Variants in RTN4IP1 observed in about 807,000 individuals in gnomAD.
RTN4IP1 encodes NAD(P)H oxidoreductase RTN4IP1, mitochondrial.
In RTN4IP1, 32 loss-of-function variants were observed where a neutral mutation model predicts 46.6. The ratio of observed to expected loss-of-function variants is 0.69; its 90% CI spans 0.52 to 0.92. The LOEUF (loss-of-function observed/expected upper bound fraction) is 0.92. RTN4IP1 is among the 40% of genes least tolerant of loss of function. RTN4IP1 has a pLI of 0.00. For synonymous variants in RTN4IP1, 167 were observed against 161.8 expected (o/e 1.03, Z -0.24); for missense variants, 424 against 485.8 (o/e 0.87, Z 1.20).
intron 4 of RTN4IP1, among the ~76,000 whole-genome samples, chr6:106,606,095 A>C (rs1277645694): frequency 6.6e-6 from 1 of 152,192 alleles, no homozygotes; most frequent in Admixed American, 6.5e-5. Flanking sequence ...ATTGATAAAC[A>C]AACTCATTAA....
chr6:106,604,316 C>A (rs1776009493), intron 4 of RTN4IP1, among the ~76,000 whole-genome samples: 1 of 152,114 alleles, frequency 6.6e-6, no homozygotes, highest in Non-Finnish European at 1.5e-5. Context: ...AGTCTCCTTC[C>A]AAATTGTGTT....
chr6:106,580,329 G>T (rs959859221), intron 8 of RTN4IP1, among the ~76,000 whole-genome samples: 1 of 151,914 alleles, frequency 6.6e-6, no homozygotes, highest in African/African-American at 2.4e-5. Context: ...GTAAGATAAT[G>T]GGTAAGTAAA....
intron 4 of RTN4IP1, among the ~76,000 whole-genome samples, chr6:106,617,101 C>T (rs748359123): frequency 8.5e-5 from 13 of 152,192 alleles, no homozygotes; most frequent in Non-Finnish European, 1.8e-4. Context: ...AAAGTTGGTC[C>T]TCACCAGACA....
At chr6:106,593,865 C>A (rs895127716) in intron 5 of RTN4IP1, among the ~76,000 whole-genome samples, 1 of 152,042 alleles carries the variant, frequency 6.6e-6, no homozygotes. Context: ...CACAGCAAGT[C>A]CCAAATCAAA....
rs372148366 is a variant in RTN4IP1 at position 106,609,680 on chromosome 6, T to C, written c.621-6758A>G. 2.9e-4 allele frequency among the ~76,000 whole-genome samples: 44 copies of C among 152,354 alleles called. 1 individual carries two copies. In the South Asian group the frequency reaches 8.9e-3, roughly 31 times the overall value. On this transcript the variant is annotated intron_variant, in intron 4 of 8. Coordinates refer to ENST00000369063, the MANE Select transcript of RTN4IP1 (RefSeq NM_032730.5). ...CTTGAAAATAATTTCTAATTCTCTCTCTGTGAATGCTGGATACTAAATATA... is the reference window on the plus strand; with the variant it reads ...CTTGAAAATAATTTCTAATTCTCTCCCTGTGAATGCTGGATACTAAATATA...
At chr6:106,580,750 T>A (rs7776287) in intron 8 of RTN4IP1, among the ~76,000 whole-genome samples, 20,967 of 149,920 alleles carry the variant, frequency 0.14, 1,709 homozygotes, top group African/African-American at 0.2. Flanking sequence ...ATCAAAATTA[T>A]AAATGCATAT....
intron 8 of RTN4IP1, among the ~76,000 whole-genome samples, chr6:106,574,444 A>C (rs76573253): frequency 1.1e-5 from 1 of 90,940 alleles, no homozygotes; most frequent in African/African-American, 5.3e-5. Context: ...CTCTGTCTCC[A>C]AAAAAAAAAA....
intron 5 of RTN4IP1, among the ~76,000 whole-genome samples, chr6:106,600,405 A>T (rs183300235): frequency 8.3e-4 from 127 of 152,224 alleles, no homozygotes; most frequent in African/African-American, 2.9e-3. Flanking sequence ...GTTTTGTTTT[A>T]TTTGAGGTAA....
At chr6:106,609,859 G>A (rs772400066) in intron 4 of RTN4IP1, among the ~76,000 whole-genome samples, 2 of 152,196 alleles carry the variant, frequency 1.3e-5, no homozygotes, top group African/African-American at 2.4e-5. Context: ...GAGTGGTTCT[G>A]CAATAGCAGC....
At chr6:106,619,979 C>A (rs185063452) in intron 3 of RTN4IP1, among the ~76,000 whole-genome samples, 158 of 152,174 alleles carry the variant, frequency 1.0e-3, no homozygotes, top group African/African-American at 3.7e-3. Context: ...ATATACATAA[C>A]ATATTCTAGC....
intron 5 of RTN4IP1, among the ~76,000 whole-genome samples, chr6:106,593,965 AAAAAG>A (rs753479831): frequency 1.3e-5 from 2 of 152,180 alleles, no homozygotes; most frequent in Non-Finnish European, 2.9e-5. Flanking sequence ...ACTATTGAGG[AAAAAG>A]AAAAGTATGT....
At chr6:106,578,696 C>T (rs980528259) in intron 8 of RTN4IP1, among the ~76,000 whole-genome samples, 9 of 152,136 alleles carry the variant, frequency 5.9e-5, no homozygotes, top group Non-Finnish European at 8.8e-5. Context: ...GGGGAAAGAA[C>T]ATTTGTCGGG....
chr6:106,610,042 C>G (rs560099787), intron 4 of RTN4IP1, among the ~76,000 whole-genome samples: 1 of 151,664 alleles, frequency 6.6e-6, no homozygotes, highest in Non-Finnish European at 1.5e-5. Flanking sequence ...CTTCAAAGTC[C>G]CCAAAAAGAG....
chr6:106,614,966 C>G (rs561633116), intron 4 of RTN4IP1, among the ~76,000 whole-genome samples: 3 of 149,910 alleles, frequency 2.0e-5, no homozygotes, highest in Admixed American at 6.7e-5. Flanking sequence ...CCCACCCCCC[C>G]ACCCAGGACT....
rs1775419343 is a variant in RTN4IP1, at chr6:106,583,595, T to C, written c.991-175A>G. The C allele has an allele frequency of 5.5e-6, 3 of 549,614 alleles. No homozygotes were observed. In the South Asian group the frequency reaches 6.1e-5, roughly 11 times the overall value. 34.0% of individuals were successfully genotyped at this position (549,614 alleles called of 1,614,324 possible). On this transcript the variant is annotated intron_variant, in intron 7 of 8. Coordinates refer to ENST00000369063, the MANE Select transcript of RTN4IP1 (RefSeq NM_032730.5). ...TGACTGACAGAGAATGGATGCTCCATAAATGTTTAATAAATAAATAACTGA... is the reference window on the plus strand; with the variant it reads ...TGACTGACAGAGAATGGATGCTCCACAAATGTTTAATAAATAAATAACTGA...
At chr6:106,602,189 C>A (rs1184342302) in intron 5 of RTN4IP1, among the ~76,000 whole-genome samples, 1 of 152,048 alleles carries the variant, frequency 6.6e-6, no homozygotes, top group Non-Finnish European at 1.5e-5. Flanking sequence ...AGTCCTCCAA[C>A]TTTATTCTTT....
chr6:106,627,992 C>T (rs1776695290), intron 1 of RTN4IP1, among the ~76,000 whole-genome samples: 1 of 141,968 alleles, frequency 7.0e-6, no homozygotes, highest in South Asian at 2.4e-4. Context: ...CGCTTGAACC[C>T]GGAAGGCGGA....
At chr6:106,609,514 G>A (rs1453005675) in intron 4 of RTN4IP1, among the ~76,000 whole-genome samples, 1 of 152,200 alleles carries the variant, frequency 6.6e-6, no homozygotes. Flanking sequence ...GGGTGACAGA[G>A]TGAGACCTTG....
chr6:106,619,768 C>A (rs1000239147), intron 3 of RTN4IP1, among the ~76,000 whole-genome samples: 1 of 149,272 alleles, frequency 6.7e-6, no homozygotes, highest in Non-Finnish European at 1.5e-5. Flanking sequence ...CCCGCCACTG[C>A]GCCCAGCTAA....
Sources: gnomAD v4.1 joint callset for allele counts (sites outside exome capture counted in the v4.1 genomes callset) on GRCh38, gnomAD v4.1.1 for gene constraint, MANE v1.5 for transcripts, NCBI Gene and HGNC (gene_info 2026-07-23, HGNC 2026-07-21) for gene names.